Variants in CDS1 observed in about 807,000 individuals in gnomAD.
CDS1 encodes the protein CDP-diacylglycerol synthase 1, also known as phosphatidate cytidylyltransferase 1.
CDS1 carries 41 observed loss-of-function variants against 62.1 expected under a neutral mutation model. The observed-to-expected ratio is 0.66, with a 90% CI of 0.51 to 0.86. CDS1 has a LOEUF of 0.86. Among genes scored for constraint, CDS1 ranks in the 40% least tolerant of loss-of-function variants. The pLI is 0.00. For synonymous variants in CDS1, 185 were observed against 192.6 expected, an observed-to-expected ratio of 0.96 and a Z score of 0.32; for missense variants, 470 against 550.1, an observed-to-expected ratio of 0.85 and a Z score of 1.46.
Position 84,585,686 on chromosome 4 carries a change from G to A in CDS1, c.117+2168G>A, listed in dbSNP as rs756157756. On this transcript the variant is annotated intron_variant, in intron 1 of 12. Transcript: ENST00000295887. The stretch of plus-strand genomic sequence containing the variant: ...GCCATTTTGTAGTCTTTTAATAATG[G>A]TGTTATTAACATGACACTCCCTTTG... Among the ~76,000 whole-genome samples the A allele has an allele frequency of 3.6e-4, 55 of 152,128 alleles. 1 individual carries two copies. The highest frequency in any genetic ancestry group is 1.2e-3 in the African/African-American group (51 of 41,418).
At position 84,609,159 on chromosome 4, in the gene CDS1, C is replaced by T. The variant is rs186576413; in HGVS notation, c.246-270C>T. Among the ~76,000 whole-genome samples, 419 of 131,030 alleles carry T rather than the reference C, an allele frequency of 3.2e-3. 4 individuals are homozygous for T. The highest frequency in any genetic ancestry group is 1.2e-3 in the Non-Finnish European group (80 of 65,490). The allele number at this position is 131,030 out of a possible 152,430, so 86.0% of individuals were successfully genotyped here. On this transcript the variant is annotated intron_variant, in intron 2 of 12. Coordinates refer to ENST00000295887, the MANE Select transcript of CDS1 (RefSeq NM_001263.4). ...ACGCCACTGCACTCCAGCCTGGGTG[C>T]GACAGAGCGAGACTCCGTCTCAAAA... is the stretch of plus-strand genomic sequence containing the variant.
chr4:84,583,414 A>AGGCACCGGGGAAGCTGCCCC lies in CDS1; in HGVS notation c.17_36dup (p.Pro13ThrfsTer89). The AGGCACCGGGGAAGCTGCCCC allele has an allele frequency of 1.2e-6, 2 of 1,601,146 alleles. No individual in the cohort carries two copies. Among genetic ancestry groups the AGGCACCGGGGAAGCTGCCCC allele is most frequent in the Non-Finnish European group, 1.7e-6 (2 of 1,174,426 alleles). On this transcript the variant is annotated frameshift_variant, in exon 1 of 13. Transcript: ENST00000295887. LOFTEE classifies it high-confidence loss of function. Reference sequence around the variant, plus strand: ...GCGGGAGCGGAAGATGTTGGAGCTGAGGCACCGGGGAAGCTGCCCCGGCCC... The same window carrying AGGCACCGGGGAAGCTGCCCC: ...GCGGGAGCGGAAGATGTTGGAGCTGAGGCACCGGGGAAGCTGCCCCGGCACCGGGGAAGCTGCCCCGGCCC...
In CDS1 at chr4:84,583,193, A is replaced by G; in HGVS notation, c.-209A>G. On this transcript the variant is annotated 5_prime_UTR_variant, in exon 1 of 13. Coordinates refer to ENST00000295887, the MANE Select transcript of CDS1 (RefSeq NM_001263.4). ...CCTCCGCCGGAGCCGCGCTCGCTGC[A>G]GGCGGCCTCGAGCGCTCTCTCGTTG... The G allele has an allele frequency of 2.1e-6, 1 of 476,428 alleles. No individual in the cohort carries two copies. The highest frequency in any genetic ancestry group is 3.7e-6 in the Non-Finnish European group (1 of 269,834). The allele number at this position is 476,428 out of a possible 1,614,324, so 29.5% of individuals were successfully genotyped here. A position where few individuals can be genotyped will look rare whatever the true frequency, so the allele number is the denominator to read the frequency against.
At chr4:84,643,270 C>T (rs928193758) in intron 11 of CDS1, 127 bp downstream of exon 11, 21 of 793,400 alleles carry the variant, frequency 2.6e-5, no homozygotes, top group South Asian at 4.4e-5. Flanking sequence ...CTATTTGTTT[C>T]GACCCCACAG....
chr4:84,591,848 T>A (rs1647983729), intron 1 of CDS1, among the ~76,000 whole-genome samples: 1 of 152,350 alleles, frequency 6.6e-6, no homozygotes, highest in Admixed American at 6.5e-5. Flanking sequence ...ATTTTTACTG[T>A]TACTACCTTG....
At chr4:84,586,669 G>A (rs1722433143) in intron 1 of CDS1, among the ~76,000 whole-genome samples, 1 of 152,214 alleles carries the variant, frequency 6.6e-6, no homozygotes, top group Non-Finnish European at 1.5e-5. Flanking sequence ...ACTGGTCTGT[G>A]GCCTGGGGGT....
Position 84,583,352 on chromosome 4 carries a change from C to G in CDS1, c.-50C>G. 1.5e-6 allele frequency: 2 copies of G among 1,364,330 alleles called. No individual in the cohort carries two copies. The highest frequency in any genetic ancestry group is 2.1e-6 in the Non-Finnish European group (2 of 964,528). The allele number at this position is 1,364,330 out of a possible 1,614,324, so 84.5% of individuals were successfully genotyped here. A position where few individuals can be genotyped will look rare whatever the true frequency, so the allele number is the denominator to read the frequency against. On this transcript the variant is annotated 5_prime_UTR_variant, in exon 1 of 13. Coordinates refer to ENST00000295887, the MANE Select transcript of CDS1 (RefSeq NM_001263.4). ...CGCCTGCAGAACCCTGCTTGCAGCTCAGGTTTCGGGGTGCTTGAGGAGGCC... is the reference window on the plus strand; with the variant it reads ...CGCCTGCAGAACCCTGCTTGCAGCTGAGGTTTCGGGGTGCTTGAGGAGGCC...
At chr4:84,605,283 A>G (rs2110047849) in intron 2 of CDS1, among the ~76,000 whole-genome samples, 1 of 152,292 alleles carries the variant, frequency 6.6e-6, no homozygotes, top group African/African-American at 2.4e-5. Flanking sequence ...ATTACTGTGT[A>G]ATACCCTCTG....
intron 1 of CDS1, among the ~76,000 whole-genome samples, chr4:84,595,495 G>A (rs941675650): frequency 5.3e-5 from 8 of 152,066 alleles, no homozygotes; most frequent in African/African-American, 1.9e-4. Context: ...ATAATGACAA[G>A]AAAAAAATCT....
Position 84,648,727 on chromosome 4 carries a change from C to A in CDS1, c.*41C>A, listed in dbSNP as rs371127772. The A allele has an allele frequency of 1.3e-6, 2 of 1,560,626 alleles. No homozygotes were observed. The highest frequency in any genetic ancestry group is 1.9e-5 in the Admixed American group (1 of 53,172). The stretch of plus-strand genomic sequence containing the variant: ...GAAGGACTGACAAGAAGGAATTATT[C>A]AGAAAAACACTGACAGATGTTTTAT... On this transcript the variant is annotated 3_prime_UTR_variant, in exon 13 of 13. Coordinates refer to ENST00000295887, the MANE Select transcript of CDS1 (RefSeq NM_001263.4).
At chr4:84,632,145 T>C (rs980506584) in intron 6 of CDS1, among the ~76,000 whole-genome samples, 1 of 152,212 alleles carries the variant, frequency 6.6e-6, no homozygotes, top group Non-Finnish European at 1.5e-5. Context: ...TTTGGGTTCC[T>C]TAAATTTGTA....
At chr4:84,617,723 C>A in intron 4 of CDS1, 62 bp downstream of exon 4, 1 of 780,146 alleles carries the variant, frequency 1.3e-6, no homozygotes, top group Non-Finnish European at 2.1e-6. Flanking sequence ...GTAAAGGAAG[C>A]GTCTTGATCA....
At chr4:84,591,266 T>C (rs1722584108) in intron 1 of CDS1, among the ~76,000 whole-genome samples, 1 of 152,242 alleles carries the variant, frequency 6.6e-6, no homozygotes, top group African/African-American at 2.4e-5. Flanking sequence ...TTGTTTTCCT[T>C]TAACCATTTT....
intron 2 of CDS1, among the ~76,000 whole-genome samples, chr4:84,608,324 C>A (rs1205713376): frequency 6.6e-6 from 1 of 152,172 alleles, no homozygotes; most frequent in African/African-American, 2.4e-5. Context: ...CAGGCGCCCA[C>A]CACTATGCCC....
intron 3 of CDS1, among the ~76,000 whole-genome samples, chr4:84,614,320 A>G (rs753887009): frequency 1.3e-5 from 2 of 152,170 alleles, no homozygotes; most frequent in Non-Finnish European, 2.9e-5. Context: ...TAGCTTTACT[A>G]GATTGTCTGC....
chr4:84,640,483 A>G (rs972579723), intron 9 of CDS1, among the ~76,000 whole-genome samples: 8 of 152,050 alleles, frequency 5.3e-5, no homozygotes, highest in Non-Finnish European at 7.4e-5. Context: ...ATTTTGTACT[A>G]TTTTATTGTA....
At chr4:84,601,014 C>A (rs902964601) in intron 1 of CDS1, among the ~76,000 whole-genome samples, 1 of 151,034 alleles carries the variant, frequency 6.6e-6, no homozygotes, top group African/African-American at 2.4e-5. Flanking sequence ...ATGAAAAATG[C>A]CAAAAAAAAT....
intron 5 of CDS1, among the ~76,000 whole-genome samples, chr4:84,631,409 CTT>C (rs1052137201): frequency 2.0e-5 from 3 of 152,118 alleles, no homozygotes; most frequent in African/African-American, 7.2e-5. Context: ...ATTCAATAGA[CTT>C]TAGCTGTTAT....
intron 1 of CDS1, among the ~76,000 whole-genome samples, chr4:84,597,792 C>T (rs541381632): frequency 6.6e-6 from 1 of 152,194 alleles, no homozygotes; most frequent in East Asian, 1.9e-4. Flanking sequence ...CTCTTCACTT[C>T]CACTCCTGGG....
Sources: gnomAD v4.1 joint callset for allele counts (sites outside exome capture counted in the v4.1 genomes callset) on GRCh38, gnomAD v4.1.1 for gene constraint, MANE v1.5 for transcripts, NCBI Gene and HGNC (gene_info 2026-07-23, HGNC 2026-07-21) for gene names.